HCN1: variants seen among roughly 807,000 people sequenced by gnomAD.
The protein encoded by HCN1 is potassium/sodium hyperpolarization-activated cyclic nucleotide-gated channel 1.
Under a neutral mutation model 78.9 loss-of-function variants are expected in HCN1, and 13 were observed. The observed-to-expected ratio is 0.16, with a 90% CI of 0.11 to 0.26. The LOEUF is 0.26. HCN1 is among the 10% of genes least tolerant of loss of function. The pLI is 1.00. For missense variants in HCN1, 810 were observed against 1,154.3 expected (o/e 0.70, Z 4.32); for synonymous variants, 552 against 455.5 (o/e 1.21, Z -2.70).
intron 2 of HCN1, among the ~76,000 whole-genome samples, chr5:45,474,902 T>C (rs919837389): frequency 6.6e-6 from 1 of 151,884 alleles, no homozygotes; most frequent in African/African-American, 2.4e-5. Context: ...AAAGGGAAAA[T>C]GAATGAATAA....
chr5:45,684,602 TG>T (rs1201786632), intron 1 of HCN1, among the ~76,000 whole-genome samples: 13 of 152,216 alleles, frequency 8.5e-5, no homozygotes, highest in Non-Finnish European at 1.5e-4. Flanking sequence ...GGCTCACGCC[TG>T]TAAACCCAGC....
chr5:45,583,723 G>T (rs1157453303), intron 2 of HCN1, among the ~76,000 whole-genome samples: 6 of 151,980 alleles, frequency 3.9e-5, no homozygotes, highest in Non-Finnish European at 8.8e-5. Context: ...CTGGTGTGTT[G>T]TGTCTTTGTT....
intron 2 of HCN1, among the ~76,000 whole-genome samples, chr5:45,600,988 G>T (rs537479082): frequency 6.6e-6 from 1 of 152,042 alleles, no homozygotes; most frequent in Non-Finnish European, 1.5e-5. Context: ...CTCTCCTATA[G>T]GATTGAAATA....
intron 4 of HCN1, among the ~76,000 whole-genome samples, chr5:45,384,659 T>C (rs572329693): frequency 6.6e-6 from 1 of 152,264 alleles, no homozygotes; most frequent in Admixed American, 6.5e-5. Context: ...GAATAATAAA[T>C]CTAGCTCTCA....
At chr5:45,691,160 C>A (rs975853038) in intron 1 of HCN1, among the ~76,000 whole-genome samples, 11 of 151,934 alleles carry the variant, frequency 7.2e-5, no homozygotes, top group African/African-American at 2.7e-4. Context: ...ACCTATGATA[C>A]AAATAATAAG....
intron 2 of HCN1, among the ~76,000 whole-genome samples, chr5:45,485,710 C>A (rs1318172296): frequency 6.6e-6 from 1 of 152,044 alleles, no homozygotes; most frequent in Admixed American, 6.6e-5. Flanking sequence ...AAAGATAGTA[C>A]GATCGTTCTT....
intron 3 of HCN1, among the ~76,000 whole-genome samples, chr5:45,420,636 G>A (rs962085040): frequency 1.3e-5 from 2 of 152,060 alleles, no homozygotes; most frequent in African/African-American, 2.4e-5. Context: ...ACATAATGAC[G>A]TTTTTGGTGT....
chr5:45,295,101 C>T, intron 6 of HCN1, among the ~76,000 whole-genome samples: 1 of 151,952 alleles, frequency 6.6e-6, no homozygotes, highest in East Asian at 1.9e-4. Context: ...CTCACCACAA[C>T]CCCAACACTC....
chr5:45,542,054 C>A (rs952436871), intron 2 of HCN1, among the ~76,000 whole-genome samples: 1 of 151,980 alleles, frequency 6.6e-6, no homozygotes, highest in Non-Finnish European at 1.5e-5. Context: ...ATATATTTTT[C>A]TATAATTCCA....
intron 2 of HCN1, among the ~76,000 whole-genome samples, chr5:45,590,040 T>A (rs541130361): frequency 5.5e-4 from 84 of 152,314 alleles, no homozygotes; most frequent in Admixed American, 3.2e-3. Context: ...ATATTTTTCC[T>A]TTCAATTTTC....
intron 6 of HCN1, among the ~76,000 whole-genome samples, chr5:45,267,787 C>CA (rs1292550146): frequency 6.6e-5 from 10 of 151,916 alleles, no homozygotes; most frequent in Non-Finnish European, 1.5e-4. Context: ...ACAACAACAA[C>CA]AAAAAAACAT....
At chr5:45,284,832 G>A (rs1181170033) in intron 6 of HCN1, among the ~76,000 whole-genome samples, 1 of 152,024 alleles carries the variant, frequency 6.6e-6, no homozygotes, top group African/African-American at 2.4e-5. Context: ...TCATTAATTT[G>A]GAGATATGGA....
chr5:45,611,667 T>C (rs747017833), intron 2 of HCN1, among the ~76,000 whole-genome samples: 12 of 152,276 alleles, frequency 7.9e-5, no homozygotes, highest in Non-Finnish European at 1.3e-4. Context: ...AATGCATATA[T>C]TGTACCACTA....
intron 5 of HCN1, among the ~76,000 whole-genome samples, chr5:45,341,112 G>C (rs957749451): frequency 9.2e-5 from 14 of 152,030 alleles, no homozygotes; most frequent in East Asian, 1.9e-4. Flanking sequence ...TGTAAAGAAT[G>C]CTTCACAGAA....
At chr5:45,404,692 G>GA (rs1739885014) in intron 3 of HCN1, among the ~76,000 whole-genome samples, 1 of 16,896 alleles carries the variant, frequency 5.9e-5, no homozygotes, top group African/African-American at 2.1e-4. Context: ...AGGGCTATTT[G>GA]CAAAAAAAAA....
At chr5:45,675,458 G>A (rs1746249406) in intron 1 of HCN1, among the ~76,000 whole-genome samples, 2 of 151,788 alleles carry the variant, frequency 1.3e-5, no homozygotes, top group East Asian at 3.9e-4. Flanking sequence ...AAACCCAAAT[G>A]TGGTTTGAGC....
At chr5:45,694,943 C>CG (rs1739976541) in intron 1 of HCN1, 1 of 152,120 alleles carries the variant, frequency 6.6e-6, no homozygotes, top group African/African-American at 2.4e-5. Context: ...GAAAGGGTGC[C>CG]GCTCTATTTC....
intron 5 of HCN1, among the ~76,000 whole-genome samples, chr5:45,327,635 T>A (rs541020715): frequency 6.6e-6 from 1 of 151,782 alleles, no homozygotes; most frequent in South Asian, 2.1e-4. Flanking sequence ...AAAAAATTTA[T>A]ATGTTGAAGC....
At chr5:45,692,461 G>C (rs1011989324) in intron 1 of HCN1, among the ~76,000 whole-genome samples, 1 of 152,098 alleles carries the variant, frequency 6.6e-6, no homozygotes, top group Non-Finnish European at 1.5e-5. Flanking sequence ...ATTTTCCCTA[G>C]TTTGGGTGCT....
Sources: gnomAD v4.1 joint callset for allele counts (sites outside exome capture counted in the v4.1 genomes callset) on GRCh38, gnomAD v4.1.1 for gene constraint, MANE v1.5 for transcripts, NCBI Gene and HGNC (gene_info 2026-07-23, HGNC 2026-07-21) for gene names.